The following FAM204A variants were observed in gnomAD, a reference collection of about 807,000 sequenced individuals.
The protein encoded by FAM204A is protein FAM204A.
In FAM204A, 16 loss-of-function variants were observed where a neutral mutation model predicts 35.4. The observed-to-expected ratio is 0.45, with a 90% CI of 0.31 to 0.69. The LOEUF is 0.69. Among genes scored for constraint, FAM204A ranks in the 30% least tolerant of loss-of-function variants. FAM204A has a pLI of 0.07. For missense variants in FAM204A, 240 were observed against 265.7 expected (o/e 0.90, Z 0.67); for synonymous variants, 76 against 86.9 (o/e 0.88, Z 0.70).
In FAM204A at chr10:118,306,714, G is replaced by C. The variant is rs182044095; in HGVS notation, c.*4143C>G. On this transcript the variant is annotated 3_prime_UTR_variant, in exon 9 of 9. Transcript: ENST00000369183. ...TCACTATTGAGTAGGAGATAATAAA[G>C]AGACAACACACCTCATTTTAACAGT... The C allele has an allele frequency of 6.6e-6, 1 of 152,308 alleles. No homozygotes were observed. Among genetic ancestry groups the C allele is most frequent in the East Asian group, 1.9e-4 (1 of 5,182 alleles). The allele number at this position is 152,308 out of a possible 1,614,324, so 9.4% of individuals were successfully genotyped here.
rs373656683 is a variant in FAM204A at position 118,323,746 on chromosome 10, T to C, written c.543+2408A>G. On this transcript the variant is annotated intron_variant, in intron 7 of 8. Coordinates refer to ENST00000369183, the MANE Select transcript of FAM204A (RefSeq NM_022063.3). ...AAAATTTGGAGATCAGATATTCTAC[T>C]GGTATAATTTTGCTATACTTTCAAG... 2.6e-4 allele frequency among the ~76,000 whole-genome samples: 39 copies of C among 152,230 alleles called. No individual in the cohort carries two copies. In the East Asian group the frequency reaches 5.6e-3, roughly 22 times the overall value.
In FAM204A at chr10:118,331,864, T is replaced by TATAA. The variant is rs773597913; in HGVS notation, c.453+3249_453+3250insTTAT. Among the ~76,000 whole-genome samples, 26 of 148,602 alleles carry TATAA rather than the reference T, an allele frequency of 1.7e-4. No homozygotes were observed. In the South Asian group the frequency reaches 1.9e-3, roughly 11 times the overall value. On this transcript the variant is annotated intron_variant, in intron 6 of 8. Coordinates refer to ENST00000369183, the MANE Select transcript of FAM204A (RefSeq NM_022063.3). ...ACCTTTATATATATATATATATATA[T>TATAA]AATCATACCCACTTAAAATCAATTG... is the stretch of plus-strand genomic sequence containing the variant.
At chr10:118,336,140 A>G in intron 3 of FAM204A, 42 bp downstream of exon 3, 2 of 1,590,004 alleles carry the variant, frequency 1.3e-6, no homozygotes, top group Non-Finnish European at 1.7e-6. Context: ...AGGCATGTGC[A>G]CACACACAGG....
rs564696514 is a variant in FAM204A at position 118,320,359 on chromosome 10, A to G, written c.543+5795T>C. ...TCCTTTGTTAAATCTAGACTTTAGC[A>G]CTTAATCTTAAAATATTTGTTTCTA... On this transcript the variant is annotated intron_variant, in intron 7 of 8. Transcript: ENST00000369183. 1.4e-3 allele frequency among the ~76,000 whole-genome samples: 211 copies of G among 151,892 alleles called. 2 individuals carry two copies. The highest frequency in any genetic ancestry group is 5.0e-3 in the African/African-American group (206 of 41,528).
Position 118,300,616 on chromosome 10 carries a change from C to T in FAM204A, c.*10241G>A, listed in dbSNP as rs1225819133. 1 of 152,192 alleles carries T rather than the reference C, an allele frequency of 6.6e-6. No homozygotes were observed. Among genetic ancestry groups the T allele is most frequent in the East Asian group, 1.9e-4 (1 of 5,196 alleles). 9.4% of individuals were successfully genotyped at this position (152,192 alleles called of 1,614,324 possible). A position where few individuals can be genotyped will look rare whatever the true frequency, so the allele number is the denominator to read the frequency against. ...CAAAGCAGTATATATCATATTAAATCTCTAAGTATATATCCACTGAGAGCT... is the reference window on the plus strand; with the variant it reads ...CAAAGCAGTATATATCATATTAAATTTCTAAGTATATATCCACTGAGAGCT... On this transcript the variant is annotated 3_prime_UTR_variant, in exon 9 of 9. Coordinates refer to ENST00000369183, the MANE Select transcript of FAM204A (RefSeq NM_022063.3).
At position 118,301,491 on chromosome 10, in the gene FAM204A, A is replaced by T. The variant is rs1372640882; in HGVS notation, c.*9366T>A. 1 of 152,210 alleles carries T rather than the reference A, an allele frequency of 6.6e-6. No individual in the cohort carries two copies. Among genetic ancestry groups the T allele is most frequent in the Admixed American group, 6.5e-5 (1 of 15,282 alleles). The allele number at this position is 152,210 out of a possible 1,614,324, so 9.4% of individuals were successfully genotyped here. On this transcript the variant is annotated 3_prime_UTR_variant, in exon 9 of 9. Coordinates refer to ENST00000369183, the MANE Select transcript of FAM204A (RefSeq NM_022063.3). Reference sequence around the variant, plus strand: ...ACAGGAACTCTGAGTTAGGAAACCGAATCTTTTGTAATGGGAGTAAGCATG... The same window carrying T: ...ACAGGAACTCTGAGTTAGGAAACCGTATCTTTTGTAATGGGAGTAAGCATG...
chr10:118,318,431 G>T (rs181445955), intron 7 of FAM204A, among the ~76,000 whole-genome samples: 42 of 152,002 alleles, frequency 2.8e-4, no homozygotes, highest in Non-Finnish European at 5.2e-4. Context: ...TTCAAATGGA[G>T]ATATTAAATT....
In FAM204A at chr10:118,306,946, T is replaced by C. The variant is rs1056091086; in HGVS notation, c.*3911A>G. ...GGATGAAATAATAAAGATTAAAGAA[T>C]GCAGTTCTGCACATTTTATCAAAAT... On this transcript the variant is annotated 3_prime_UTR_variant, in exon 9 of 9. Coordinates refer to ENST00000369183, the MANE Select transcript of FAM204A (RefSeq NM_022063.3). The C allele has an allele frequency of 2.6e-5, 4 of 152,214 alleles. No individual in the cohort carries two copies. The highest frequency in any genetic ancestry group is 9.6e-5 in the African/African-American group (4 of 41,460). 9.4% of individuals were successfully genotyped at this position (152,214 alleles called of 1,614,324 possible). A position where few individuals can be genotyped will look rare whatever the true frequency, so the allele number is the denominator to read the frequency against.
At position 118,310,325 on chromosome 10, in the gene FAM204A, A is replaced by C. The variant is rs1019065012; in HGVS notation, c.*532T>G. 5.9e-5 allele frequency: 9 copies of C among 152,042 alleles called. No homozygotes were observed. The highest frequency in any genetic ancestry group is 2.2e-4 in the African/African-American group (9 of 41,308). 9.4% of individuals were successfully genotyped at this position (152,042 alleles called of 1,614,324 possible). A position where few individuals can be genotyped will look rare whatever the true frequency, so the allele number is the denominator to read the frequency against. Reference sequence around the variant, plus strand: ...TCTGTCTCTACTAAAAATACAAAAAAAAAAAAAAAATTAGCCGGGTGTGGT... The same window carrying C: ...TCTGTCTCTACTAAAAATACAAAAACAAAAAAAAAATTAGCCGGGTGTGGT... On this transcript the variant is annotated 3_prime_UTR_variant, in exon 9 of 9. Transcript: ENST00000369183.
rs748846241 is a variant in FAM204A at position 118,311,197 on chromosome 10, GT to G, written c.650+9del. 31 of 1,599,614 alleles carry G rather than the reference GT, an allele frequency of 1.9e-5. No homozygotes were observed. In the Admixed American group the frequency reaches 5.5e-4, roughly 28 times the overall value. ...GGAGATTTACTACCAAAAATCTTAA[GT>G]AAACTCACCCCCATGCAAGTTTCTT... is the stretch of plus-strand genomic sequence containing the variant. On this transcript the variant is annotated intron_variant, in intron 8 of 8. Transcript: ENST00000369183.
intron 3 of FAM204A, among the ~76,000 whole-genome samples, 182 bp from the exon 4 acceptor site, chr10:118,335,823 C>T (rs913040469): frequency 6.6e-6 from 1 of 152,144 alleles, no homozygotes; most frequent in African/African-American, 2.4e-5. Flanking sequence ...TTGATATTCA[C>T]TTGTTTTGAA....
At position 118,303,853 on chromosome 10, in the gene FAM204A, G is replaced by A. The variant is rs867477909; in HGVS notation, c.*7004C>T. 1 of 152,688 alleles carries A rather than the reference G, an allele frequency of 6.5e-6. No homozygotes were observed. The highest frequency in any genetic ancestry group is 1.5e-5 in the Non-Finnish European group (1 of 68,548). 9.5% of individuals were successfully genotyped at this position (152,688 alleles called of 1,614,324 possible). A position where few individuals can be genotyped will look rare whatever the true frequency, so the allele number is the denominator to read the frequency against. ...AAAAACAGCTCCTTTGCCACAAGCA[G>A]AGTTCACAGAGCCCTCTTCCCCCAG... On this transcript the variant is annotated 3_prime_UTR_variant, in exon 9 of 9. Coordinates refer to ENST00000369183, the MANE Select transcript of FAM204A (RefSeq NM_022063.3).
At chr10:118,336,669 A>G (rs1846394081) in intron 2 of FAM204A, among the ~76,000 whole-genome samples, 1 of 152,226 alleles carries the variant, frequency 6.6e-6, no homozygotes. Flanking sequence ...GTTACAACAT[A>G]CACCTACAGG....
chr10:118,337,209 A>C (rs1846402739), intron 2 of FAM204A: 1 of 982,182 alleles, frequency 1.0e-6, no homozygotes, highest in Non-Finnish European at 1.2e-6. Flanking sequence ...CTAAAAGTAT[A>C]ATACTCAAGT....
intron 7 of FAM204A, among the ~76,000 whole-genome samples, chr10:118,324,806 C>G (rs1846172284): frequency 1.3e-5 from 2 of 152,108 alleles, no homozygotes; most frequent in African/African-American, 4.8e-5. Context: ...CCGAACTGCA[C>G]AGCTAAAAAT....
chr10:118,326,472 T>C (rs777664252), intron 6 of FAM204A: 4 of 468,876 alleles, frequency 8.5e-6, no homozygotes, highest in African/African-American at 4.1e-5. Flanking sequence ...AAGACGCAAA[T>C]CCAGATTTTT....
At position 118,309,473 on chromosome 10, in the gene FAM204A, G is replaced by A. The variant is rs142808662; in HGVS notation, c.*1384C>T. ...AGAGAAAGTTTATATCAGACAGGTA[G>A]GAAACCTCTGACAACGACAGAAGAG... On this transcript the variant is annotated 3_prime_UTR_variant, in exon 9 of 9. Coordinates refer to ENST00000369183, the MANE Select transcript of FAM204A (RefSeq NM_022063.3). 2 of 152,250 alleles carry A rather than the reference G, an allele frequency of 1.3e-5. No homozygotes were observed. Among genetic ancestry groups the A allele is most frequent in the East Asian group, 3.9e-4 (2 of 5,188 alleles). 9.4% of individuals were successfully genotyped at this position (152,250 alleles called of 1,614,324 possible).
Position 118,336,190 on chromosome 10 carries a change from T to G in FAM204A, c.226A>C (p.Met76Leu). 3 of 1,613,376 alleles carry G rather than the reference T, an allele frequency of 1.9e-6. No individual in the cohort carries two copies. Among genetic ancestry groups the G allele is most frequent in the Non-Finnish European group, 2.5e-6 (3 of 1,179,578 alleles). Residue 76 changes from methionine to leucine, a missense_variant, in exon 3 of 9, where the codon ATG becomes CTG. By Grantham distance (15) the Met-to-Leu change is conservative. Coordinates refer to ENST00000369183, the MANE Select transcript of FAM204A (RefSeq NM_022063.3). ...EECPSGIPIDMWNKFQELHKK... is the reference protein window; with the variant it reads ...EECPSGIPIDLWNKFQELHKK... ...TTTCAGAGAAAACCTACATTCCACATATCTATGGGAATTCCAGAAGGACAC... is the reference window on the plus strand; with the variant it reads ...TTTCAGAGAAAACCTACATTCCACAGATCTATGGGAATTCCAGAAGGACAC...
chr10:118,311,048 G>T, intron 8 of FAM204A, 140 bp from the exon 9 acceptor site: 3 of 1,062,992 alleles, frequency 2.8e-6, no homozygotes, highest in South Asian at 1.5e-5. Context: ...CATTAAACAG[G>T]ATGAAGAAAT....
Sources: gnomAD v4.1 joint callset for allele counts (sites outside exome capture counted in the v4.1 genomes callset) on GRCh38, gnomAD v4.1.1 for gene constraint, MANE v1.5 for transcripts, NCBI Gene and HGNC (gene_info 2026-07-23, HGNC 2026-07-21) for gene names.